Variants in SUFU observed in about 807,000 individuals in gnomAD.
SUFU encodes the protein SUFU negative regulator of hedgehog signaling.
SUFU carries 7 observed loss-of-function variants against 58.9 expected under a neutral mutation model. The ratio of observed to expected loss-of-function variants is 0.12; its 90% CI spans 0.07 to 0.22. The LOEUF (loss-of-function observed/expected upper bound fraction) is 0.22. Among genes scored for constraint, SUFU ranks in the 10% least tolerant of loss-of-function variants. The pLI, the probability that SUFU is intolerant of heterozygous loss-of-function variation, is 1.00. For missense variants in SUFU, 451 were observed against 641.3 expected, an observed-to-expected ratio of 0.70 and a Z score of 3.20; for synonymous variants, 232 against 254.8, an observed-to-expected ratio of 0.91 and a Z score of 0.85.
intron 2 of SUFU, among the ~76,000 whole-genome samples, chr10:102,528,043 G>T (rs1307267568): frequency 6.6e-6 from 1 of 152,158 alleles, no homozygotes; most frequent in Non-Finnish European, 1.5e-5. Flanking sequence ...AAGAGTGGGA[G>T]CTACCATATT....
intron 2 of SUFU, among the ~76,000 whole-genome samples, chr10:102,515,990 G>A (rs1035006145): frequency 1.3e-5 from 2 of 152,180 alleles, no homozygotes; most frequent in African/African-American, 4.8e-5. Flanking sequence ...GTGGGGCAGG[G>A]CCCAACAGGG....
Position 102,630,554 on chromosome 10 carries a change from C to T in SUFU, c.*399C>T, listed in dbSNP as rs1459528452. The T allele has an allele frequency of 1.0e-5, 4 of 385,352 alleles. No individual in the cohort carries two copies. Among genetic ancestry groups the T allele is most frequent in the Admixed American group, 3.9e-5 (1 of 25,800 alleles). 23.9% of individuals were successfully genotyped at this position (385,352 alleles called of 1,614,324 possible). ...GGGAGGCGGACAGCCAGATGCAGAG[C>T]GAGTGGATGCACTTCCCAGCTCATC... is the stretch of plus-strand genomic sequence containing the variant. On this transcript the variant is annotated 3_prime_UTR_variant, in exon 12 of 12. Coordinates refer to ENST00000369902, the MANE Select transcript of SUFU (RefSeq NM_016169.4).
At chr10:102,542,242 C>T (rs1259242642) in intron 2 of SUFU, among the ~76,000 whole-genome samples, 3 of 151,024 alleles carry the variant, frequency 2.0e-5, no homozygotes, top group Non-Finnish European at 2.9e-5. Context: ...AAGCGATTCT[C>T]CTGCCTCAGC....
intron 3 of SUFU, among the ~76,000 whole-genome samples, chr10:102,587,611 C>A (rs775992674): frequency 3.3e-4 from 50 of 152,146 alleles, no homozygotes; most frequent in Admixed American, 7.9e-4. Flanking sequence ...CCTGCCATAG[C>A]CTCCCGAGTA....
At chr10:102,511,546 G>C (rs10786671) in intron 2 of SUFU, among the ~76,000 whole-genome samples, 2 of 151,702 alleles carry the variant, frequency 1.3e-5, no homozygotes, top group Admixed American at 6.6e-5. Context: ...ACTGTCTTCC[G>C]TGTCATTGTG....
chr10:102,612,740 G>A (rs539602020), intron 8 of SUFU, among the ~76,000 whole-genome samples: 129 of 152,184 alleles, frequency 8.5e-4, no homozygotes, highest in African/African-American at 2.8e-3. Flanking sequence ...GATGGCACAG[G>A]GGAGTGATTG....
chr10:102,542,032 G>A (rs550504630), intron 2 of SUFU, among the ~76,000 whole-genome samples: 1 of 151,070 alleles, frequency 6.6e-6, no homozygotes, highest in South Asian at 2.1e-4. Flanking sequence ...TTACAGGCAT[G>A]CGCCACCATG....
At chr10:102,534,897 C>T (rs2062717849) in intron 2 of SUFU, among the ~76,000 whole-genome samples, 1 of 152,032 alleles carries the variant, frequency 6.6e-6, no homozygotes, top group Non-Finnish European at 1.5e-5. Flanking sequence ...TGTCCCTATG[C>T]CTGTTGGAGA....
chr10:102,598,010 T>C (rs1184556233), intron 7 of SUFU, among the ~76,000 whole-genome samples: 1 of 152,268 alleles, frequency 6.6e-6, no homozygotes, highest in Non-Finnish European at 1.5e-5. Context: ...ACTTCCTTTC[T>C]TCATTCTTCC....
intron 2 of SUFU, among the ~76,000 whole-genome samples, chr10:102,539,352 G>A (rs2062774624): frequency 6.6e-6 from 1 of 152,194 alleles, no homozygotes; most frequent in African/African-American, 2.4e-5. Context: ...TCACAGACAT[G>A]TTGTGCCCTT....
chr10:102,601,270 C>T (rs1186942216), intron 8 of SUFU, among the ~76,000 whole-genome samples: 1 of 152,164 alleles, frequency 6.6e-6, no homozygotes, highest in Non-Finnish European at 1.5e-5. Context: ...CACCCCTGGA[C>T]ATTGCAATGG....
chr10:102,588,247 G>C (rs1002498474), intron 3 of SUFU, among the ~76,000 whole-genome samples: 1 of 151,998 alleles, frequency 6.6e-6, no homozygotes, highest in African/African-American at 2.4e-5. Flanking sequence ...CAAAAAATTA[G>C]CTGGGCGTGG....
intron 3 of SUFU, among the ~76,000 whole-genome samples, chr10:102,585,607 A>T (rs1026604936): frequency 9.2e-5 from 14 of 152,078 alleles, no homozygotes; most frequent in African/African-American, 3.4e-4. Context: ...CCCGGGCTCA[A>T]ACAATCCTCC....
intron 2 of SUFU, among the ~76,000 whole-genome samples, chr10:102,510,595 G>T (rs1381932401): frequency 2.0e-5 from 3 of 151,864 alleles, no homozygotes; most frequent in East Asian, 2.0e-4. Context: ...GCTGAGGCAG[G>T]TGGCTCACTT....
intron 3 of SUFU, among the ~76,000 whole-genome samples, chr10:102,562,482 C>T (rs1184777615): frequency 3.3e-5 from 5 of 151,876 alleles, no homozygotes; most frequent in Admixed American, 1.3e-4. Context: ...GAGATCGCGC[C>T]GCTACAGTCT....
chr10:102,568,907 TATATATATATATACAC>T (rs1298215838), intron 3 of SUFU, among the ~76,000 whole-genome samples: 2,111 of 10,662 alleles, frequency 0.2, 148 homozygotes, highest in African/African-American at 0.29. Flanking sequence ...AATATATATA[TATATATATATATACAC>T]ATATATATAT....
intron 3 of SUFU, among the ~76,000 whole-genome samples, chr10:102,562,471 C>T (rs1210918219): frequency 4.7e-5 from 7 of 150,304 alleles, no homozygotes; most frequent in African/African-American, 1.5e-4. Context: ...TGCAGTGAGC[C>T]GAGATCGCGC....
chr10:102,573,800 G>A (rs1352228372), intron 3 of SUFU, among the ~76,000 whole-genome samples: 2 of 152,118 alleles, frequency 1.3e-5, no homozygotes, highest in Non-Finnish European at 2.9e-5. Flanking sequence ...GAGACAGAAG[G>A]CAAAATGTTG....
chr10:102,516,304 C>G (rs528716310), intron 2 of SUFU, among the ~76,000 whole-genome samples: 1 of 151,804 alleles, frequency 6.6e-6, no homozygotes, highest in African/African-American at 2.4e-5. Context: ...AGACTCCTGA[C>G]CTCAAGTGAT....
Sources: gnomAD v4.1 joint callset for allele counts (sites outside exome capture counted in the v4.1 genomes callset) on GRCh38, gnomAD v4.1.1 for gene constraint, MANE v1.5 for transcripts, NCBI Gene and HGNC (gene_info 2026-07-23, HGNC 2026-07-21) for gene names.